The following KPNA1 variants were observed in gnomAD, a reference collection of about 807,000 sequenced individuals.
The protein encoded by KPNA1 is karyopherin subunit alpha 1.
Under a neutral mutation model 70.5 loss-of-function variants are expected in KPNA1, and 10 were observed. The ratio of observed to expected loss-of-function variants is 0.14; its 90% confidence interval spans 0.09 to 0.24. The LOEUF is 0.24. Among genes scored for constraint, KPNA1 ranks in the 10% least tolerant of loss-of-function variants. The pLI, the probability that KPNA1 is intolerant of heterozygous loss-of-function variation, is 1.00. For synonymous variants in KPNA1, 192 were observed against 221.9 expected, an observed-to-expected ratio of 0.87 and a Z score of 1.20; for missense variants, 397 against 637.9, an observed-to-expected ratio of 0.62 and a Z score of 4.07.
At chr3:122,493,300 C>A (rs1279658970) in intron 2 of KPNA1, among the ~76,000 whole-genome samples, 1 of 151,932 alleles carries the variant, frequency 6.6e-6, no homozygotes, top group Non-Finnish European at 1.5e-5. Context: ...TAGAATCAGG[C>A]CTTCCCATCC....
intron 4 of KPNA1, 42 bp downstream of exon 4, chr3:122,463,900 G>T (rs1553787692): frequency 9.2e-7 from 1 of 1,083,932 alleles, no homozygotes; most frequent in Non-Finnish European, 1.4e-6. Context: ...AAGTAATTTT[G>T]TAGAGAGATG....
rs2075829555 is a variant in KPNA1, at chr3:122,426,853, G to A, written c.*132C>T. On this transcript the variant is annotated 3_prime_UTR_variant, in exon 14 of 14. Transcript: ENST00000344337. ...TGTGTGTAAGAGAGCAGGTGCGCAA[G>A]GCAAGCAAATGAGCGCAAACAGTAT... 3.0e-6 allele frequency: 2 copies of A among 667,782 alleles called. No individual in the cohort carries two copies. The highest frequency in any genetic ancestry group is 5.0e-6 in the Non-Finnish European group (2 of 400,824). The allele number at this position is 667,782 out of a possible 1,614,324, so 41.4% of individuals were successfully genotyped here. A position where few individuals can be genotyped will look rare whatever the true frequency, so the allele number is the denominator to read the frequency against.
chr3:122,494,009 G>GC (rs1559751563), intron 2 of KPNA1, among the ~76,000 whole-genome samples: 1 of 151,984 alleles, frequency 6.6e-6, no homozygotes, highest in Non-Finnish European at 1.5e-5. Context: ...TAATGGAGTT[G>GC]TTTTTTTCTT....
intron 12 of KPNA1, chr3:122,432,382 ATTCT>A (rs1391408540): frequency 6.6e-6 from 1 of 152,210 alleles, no homozygotes; most frequent in Non-Finnish European, 1.5e-5. Context: ...TTGTAATTTT[ATTCT>A]TTCAGGTACA....
At chr3:122,471,233 T>G (rs2076438713) in intron 2 of KPNA1, among the ~76,000 whole-genome samples, 2 of 152,186 alleles carry the variant, frequency 1.3e-5, no homozygotes, top group African/African-American at 4.8e-5. Context: ...ACCTTTATAT[T>G]TGTCAACATA....
chr3:122,470,976 G>A (rs2076436066), intron 2 of KPNA1, among the ~76,000 whole-genome samples: 2 of 152,156 alleles, frequency 1.3e-5, no homozygotes, highest in South Asian at 4.1e-4. Context: ...ACATCTTGGA[G>A]TCATCCTATT....
At chr3:122,428,370 T>A (rs2075851449) in intron 12 of KPNA1, among the ~76,000 whole-genome samples, 1 of 152,228 alleles carries the variant, frequency 6.6e-6, no homozygotes, top group African/African-American at 2.4e-5. Flanking sequence ...TCCAGTTGCA[T>A]TATGTGAATG....
intron 2 of KPNA1, among the ~76,000 whole-genome samples, chr3:122,488,053 T>A (rs564879293): frequency 1.3e-5 from 2 of 152,294 alleles, no homozygotes; most frequent in South Asian, 2.1e-4. Context: ...ATTAAAAAAC[T>A]AACTTTTTAA....
intron 3 of KPNA1, 109 bp from the exon 4 acceptor site, chr3:122,464,150 G>T (rs868857072): frequency 2.4e-5 from 12 of 502,030 alleles, no homozygotes; most frequent in African/African-American, 3.9e-5. Context: ...TACTTCCCCA[G>T]AAGTTACATA....
At chr3:122,454,606 T>TA (rs1408056486) in intron 5 of KPNA1, among the ~76,000 whole-genome samples, 1 of 152,128 alleles carries the variant, frequency 6.6e-6, no homozygotes, top group Non-Finnish European at 1.5e-5. Context: ...GTGTGAAACA[T>TA]AAAATACAGG....
At chr3:122,447,282 T>C (rs1267662521) in intron 9 of KPNA1, among the ~76,000 whole-genome samples, 2 of 152,176 alleles carry the variant, frequency 1.3e-5, no homozygotes, top group Non-Finnish European at 1.5e-5. Flanking sequence ...AATAAAATAC[T>C]GGCAAACCGA....
intron 6 of KPNA1, among the ~76,000 whole-genome samples, chr3:122,452,837 CAGAA>C (rs1056818150): frequency 2.4e-4 from 37 of 151,494 alleles, no homozygotes; most frequent in Admixed American, 2.6e-4. Flanking sequence ...GAGAGAAAGA[CAGAA>C]AGAAAAAAAG....
intron 13 of KPNA1, 51 bp downstream of exon 13, chr3:122,427,486 CT>C: frequency 6.5e-7 from 1 of 1,540,126 alleles, no homozygotes; most frequent in Non-Finnish European, 8.8e-7. Context: ...TGAACTCTAT[CT>C]ATGACCCAAT....
At chr3:122,503,974 CAG>C (rs974912651) in intron 1 of KPNA1, among the ~76,000 whole-genome samples, 4 of 152,136 alleles carry the variant, frequency 2.6e-5, no homozygotes, top group African/African-American at 9.7e-5. Context: ...AGGTGGAACA[CAG>C]AAGAATTCTA....
chr3:122,434,437 G>A (rs573415551), intron 11 of KPNA1, among the ~76,000 whole-genome samples: 11 of 150,758 alleles, frequency 7.3e-5, no homozygotes, highest in East Asian at 1.9e-4. Flanking sequence ...TTCCATGTGC[G>A]AAAACTCTCT....
chr3:122,466,776 G>C (rs901353645), intron 3 of KPNA1, among the ~76,000 whole-genome samples: 3 of 152,030 alleles, frequency 2.0e-5, no homozygotes, highest in African/African-American at 7.3e-5. Context: ...GGGAGGCCAA[G>C]GCAAAAGGAT....
chr3:122,451,488 T>C, intron 8 of KPNA1, 46 bp downstream of exon 8: 1 of 1,081,714 alleles, frequency 9.2e-7, no homozygotes, highest in Non-Finnish European at 1.4e-6. Flanking sequence ...GCAATACTCT[T>C]TTAATTGTAT....
intron 11 of KPNA1, among the ~76,000 whole-genome samples, chr3:122,435,014 A>AAG (rs1383393066): frequency 6.6e-6 from 1 of 152,252 alleles, no homozygotes; most frequent in Non-Finnish European, 1.5e-5. Flanking sequence ...AAGTTTGACA[A>AAG]AGTTGATTAC....
At chr3:122,452,189 G>A (rs760946460) in intron 6 of KPNA1, 125 bp from the exon 7 acceptor site, 2 of 746,042 alleles carry the variant, frequency 2.7e-6, no homozygotes, top group South Asian at 1.5e-5. Context: ...AGGATTGGGG[G>A]AGGAAGATAA....
Sources: gnomAD v4.1 joint callset for allele counts (sites outside exome capture counted in the v4.1 genomes callset) on GRCh38, gnomAD v4.1.1 for gene constraint, MANE v1.5 for transcripts, NCBI Gene and HGNC (gene_info 2026-07-23, HGNC 2026-07-21) for gene names.